The following SEM1 variants were observed in gnomAD, a reference collection of about 807,000 sequenced individuals.
The protein encoded by SEM1 is SEM1 26S proteasome subunit, also known as 26S proteasome complex subunit SEM1.
SEM1 carries 3 observed loss-of-function variants against 12.7 expected under a neutral mutation model. That is an observed-to-expected ratio of 0.24 (90% confidence interval 0.11 to 0.61). The LOEUF is 0.61. Ranked by LOEUF, SEM1 falls within the 20% of genes least tolerant of loss-of-function variation. SEM1 has a pLI of 0.88. For synonymous variants in SEM1, 30 were observed against 27.8 expected (o/e 1.08, Z -0.25); for missense variants, 59 against 81.3 (o/e 0.73, Z 1.06).
chr7:96,704,001 ACACAC>A (rs1790360235), intron 1 of SEM1, among the ~76,000 whole-genome samples: 1 of 149,146 alleles, frequency 6.7e-6, no homozygotes, highest in African/African-American at 2.4e-5. Flanking sequence ...ACACACACAC[ACACAC>A]ACACATACAT....
intron 1 of SEM1, among the ~76,000 whole-genome samples, chr7:96,701,694 T>C (rs942843090): frequency 2.0e-5 from 3 of 151,970 alleles, no homozygotes; most frequent in Non-Finnish European, 4.4e-5. Context: ...TAATGGTTAA[T>C]CTTACTTAAA....
downstream of SEM1, among the ~76,000 whole-genome samples, chr7:96,618,950 T>TA (rs1332800318): frequency 6.6e-6 from 1 of 152,128 alleles, no homozygotes; most frequent in Non-Finnish European, 1.5e-5. Context: ...GACCGTGTCT[T>TA]AAAAAAACAA....
At chr7:96,652,506 CT>C (rs1430851567) in intron 2 of SEM1, among the ~76,000 whole-genome samples, 2 of 151,372 alleles carry the variant, frequency 1.3e-5, no homozygotes, top group Admixed American at 1.3e-4. Flanking sequence ...ATTTATTTAT[CT>C]AGTATCAAGA....
chr7:96,498,435 A>T (rs1196650367), upstream of SEM1, among the ~76,000 whole-genome samples: 1 of 152,120 alleles, frequency 6.6e-6, no homozygotes, highest in African/African-American at 2.4e-5. Context: ...TTTGCTAGAG[A>T]TCAGATAGGT....
chr7:96,508,881 T>C (rs1358008328), intron 2 of SEM1, among the ~76,000 whole-genome samples: 1 of 152,182 alleles, frequency 6.6e-6, no homozygotes, highest in Non-Finnish European at 1.5e-5. Context: ...ATGTATTCTG[T>C]AATACGTCTT....
intron 2 of SEM1, among the ~76,000 whole-genome samples, chr7:96,540,336 AT>A (rs1804906909): frequency 6.6e-6 from 1 of 151,780 alleles, no homozygotes; most frequent in Non-Finnish European, 1.5e-5. Context: ...ATTTCATATG[AT>A]TTAAATGATT....
chr7:96,482,439 C>T (rs1399909674), exon 4 of SEM1: 1 of 152,190 alleles, frequency 6.6e-6, no homozygotes, highest in Non-Finnish European at 1.5e-5. Flanking sequence ...GTATACATCA[C>T]ATTCTCCGGG....
intron 2 of SEM1, 93 bp from the exon 3 acceptor site, chr7:96,689,059 G>T: frequency 2.7e-6 from 2 of 734,130 alleles, no homozygotes; most frequent in Non-Finnish European, 4.6e-6. Flanking sequence ...AATGAGCTAT[G>T]CCTGAGACAT....
intron 2 of SEM1, among the ~76,000 whole-genome samples, chr7:96,651,598 G>A (rs900824843): frequency 2.0e-5 from 3 of 152,160 alleles, no homozygotes; most frequent in African/African-American, 7.2e-5. Context: ...TTGAGACAGA[G>A]TCTTGCTCTG....
intron 2 of SEM1, among the ~76,000 whole-genome samples, chr7:96,527,289 G>A (rs1804497587): frequency 6.6e-6 from 1 of 152,104 alleles, no homozygotes; most frequent in East Asian, 1.9e-4. Flanking sequence ...AGTGAGTTCT[G>A]AGACTGATGT....
chr7:96,694,939 C>T (rs1790042295), intron 1 of SEM1, 48 bp from the exon 2 acceptor site: 2 of 1,380,774 alleles, frequency 1.4e-6, no homozygotes, highest in Non-Finnish European at 2.0e-6. Context: ...TACATTATTT[C>T]CACAATTACA....
intron 1 of SEM1, among the ~76,000 whole-genome samples, chr7:96,703,882 C>G (rs147754047): frequency 1.3e-5 from 2 of 151,538 alleles, no homozygotes; most frequent in East Asian, 3.9e-4. Context: ...TCACTCAATC[C>G]CAGGAGTTCA....
At chr7:96,574,877 G>A (rs1028842297) in intron 2 of SEM1, among the ~76,000 whole-genome samples, 2 of 152,050 alleles carry the variant, frequency 1.3e-5, no homozygotes, top group Non-Finnish European at 2.9e-5. Flanking sequence ...CTTTTTTCAA[G>A]GTTCTTAGCT....
intron 2 of SEM1, among the ~76,000 whole-genome samples, chr7:96,679,696 T>C (rs1455684708): frequency 2.0e-5 from 3 of 152,098 alleles, no homozygotes; most frequent in African/African-American, 7.2e-5. Context: ...AGATATGAAA[T>C]GGCTTATTAC....
rs563650045 is a variant in SEM1 at position 96,495,282 on chromosome 7, A to G, written c.12+1002T>C. On this transcript the variant is annotated intron_variant, in intron 1 of 3. Transcript: ENST00000356686. The stretch of plus-strand genomic sequence containing the variant: ...TTTAGATAGACTTTTTCACAAATAA[A>G]TACCAAATTTGGAGCTAACATGACT... Among the ~76,000 whole-genome samples the G allele has an allele frequency of 1.3e-4, 20 of 152,284 alleles. No individual in the cohort carries two copies. The South Asian group carries it at 3.9e-3, about 30-fold the overall frequency.
At chr7:96,524,596 C>A (rs1289248604) in intron 2 of SEM1, among the ~76,000 whole-genome samples, 2 of 151,612 alleles carry the variant, frequency 1.3e-5, no homozygotes, top group Admixed American at 1.3e-4. Context: ...TAAAAATGAA[C>A]AGGAATTATT....
chr7:96,491,864 T>C (rs1803021826), intron 1 of SEM1, among the ~76,000 whole-genome samples: 1 of 152,150 alleles, frequency 6.6e-6, no homozygotes, highest in African/African-American at 2.4e-5. Context: ...ACCTACCAAA[T>C]ACAAAAAGAG....
intron 1 of SEM1, chr7:96,695,988 C>A (rs1790082424): frequency 6.6e-6 from 1 of 151,868 alleles, no homozygotes; most frequent in South Asian, 2.1e-4. Context: ...AATTTTTCAT[C>A]TAATTATGAT....
intron 2 of SEM1, among the ~76,000 whole-genome samples, chr7:96,585,292 G>C (rs1340822227): frequency 6.6e-6 from 1 of 152,194 alleles, no homozygotes; most frequent in Non-Finnish European, 1.5e-5. Flanking sequence ...GGGGTCAGGG[G>C]TCAGGGACCC....
Sources: gnomAD v4.1 joint callset for allele counts (sites outside exome capture counted in the v4.1 genomes callset) on GRCh38, gnomAD v4.1.1 for gene constraint, MANE v1.5 for transcripts, NCBI Gene and HGNC (gene_info 2026-07-23, HGNC 2026-07-21) for gene names.